RALGPS1: variants seen among roughly 807,000 people sequenced by gnomAD.
The protein encoded by RALGPS1 is Ral GEF with PH domain and SH3 binding motif 1.
In RALGPS1, 19 loss-of-function variants were observed where a neutral mutation model predicts 78.8. The observed-to-expected ratio is 0.24, with a 90% CI of 0.17 to 0.35. The LOEUF is 0.35. Ranked by LOEUF, RALGPS1 falls within the 10% of genes least tolerant of loss-of-function variation. The pLI, the probability that RALGPS1 is intolerant of heterozygous loss-of-function variation, is 1.00. For missense variants in RALGPS1, 454 were observed against 688.3 expected, an observed-to-expected ratio of 0.66 and a Z score of 3.81; for synonymous variants, 228 against 256.3, an observed-to-expected ratio of 0.89 and a Z score of 1.06.
rs151134561 is a variant in RALGPS1 at position 126,932,538 on chromosome 9, A to G, written c.-66+17563A>G. ...TAGTAGAAGGGATAATACACGTGGTACACTCCCATGATGGAATACTGTAGT... is the reference window on the plus strand; with the variant it reads ...TAGTAGAAGGGATAATACACGTGGTGCACTCCCATGATGGAATACTGTAGT... On this transcript the variant is annotated intron_variant, in intron 1 of 18. Coordinates refer to ENST00000259351, the MANE Select transcript of RALGPS1 (RefSeq NM_014636.3). Among the ~76,000 whole-genome samples, 7 of 152,328 alleles carry G rather than the reference A, an allele frequency of 4.6e-5. No individual in the cohort carries two copies. The East Asian group carries it at 1.4e-3, about 29-fold the overall frequency.
At chr9:127,011,437 C>T (rs954777785) in intron 4 of RALGPS1, among the ~76,000 whole-genome samples, 1 of 152,154 alleles carries the variant, frequency 6.6e-6, no homozygotes, top group Admixed American at 6.5e-5. Flanking sequence ...CTTGGACTCC[C>T]GTAGTGCTGG....
intron 12 of RALGPS1, among the ~76,000 whole-genome samples, chr9:127,196,108 A>G (rs911269725): frequency 6.6e-6 from 1 of 152,264 alleles, no homozygotes; most frequent in Non-Finnish European, 1.5e-5. Flanking sequence ...CATCAGAGCA[A>G]GGGTCTGGAC....
intron 8 of RALGPS1, among the ~76,000 whole-genome samples, chr9:127,142,473 G>A (rs1393247927): frequency 6.6e-6 from 1 of 152,156 alleles, no homozygotes; most frequent in Non-Finnish European, 1.5e-5. Flanking sequence ...GGCATGATGG[G>A]CGCATCTGGA....
intron 5 of RALGPS1, among the ~76,000 whole-genome samples, chr9:127,047,187 CAT>C (rs1307313059): frequency 2.0e-5 from 3 of 152,072 alleles, no homozygotes; most frequent in Admixed American, 1.3e-4. Flanking sequence ...AGTGTACAAA[CAT>C]ATGTATAAAG....
At chr9:127,157,933 AT>A (rs1433047666) in intron 8 of RALGPS1, among the ~76,000 whole-genome samples, 1 of 152,012 alleles carries the variant, frequency 6.6e-6, no homozygotes. Flanking sequence ...CATTGTTTTA[AT>A]TTTCTAATAT....
chr9:127,151,905 C>G (rs545112100), intron 8 of RALGPS1, among the ~76,000 whole-genome samples: 6 of 151,942 alleles, frequency 3.9e-5, no homozygotes, highest in Non-Finnish European at 8.8e-5. Context: ...TTCTTTCTTC[C>G]CCTTCTTCCC....
intron 8 of RALGPS1, chr9:127,108,846 G>T: frequency 8.6e-7 from 1 of 1,164,600 alleles, no homozygotes. Flanking sequence ...TGCCATCAGT[G>T]ATCCCAGCCT....
chr9:127,210,396 G>T, intron 14 of RALGPS1: 1 of 438,082 alleles, frequency 2.3e-6, no homozygotes, highest in East Asian at 4.3e-5. Flanking sequence ...TGAGGCAAGT[G>T]GGCGTGCCTG....
At chr9:127,052,204 G>A (rs2048354304) in intron 6 of RALGPS1, among the ~76,000 whole-genome samples, 1 of 152,174 alleles carries the variant, frequency 6.6e-6, no homozygotes, top group South Asian at 2.1e-4. Context: ...AAAGAGAAAT[G>A]GCACCCCCGT....
intron 8 of RALGPS1, among the ~76,000 whole-genome samples, chr9:127,160,380 C>T (rs1258536280): frequency 6.6e-6 from 1 of 152,226 alleles, no homozygotes; most frequent in African/African-American, 2.4e-5. Context: ...GCCAGCCCAG[C>T]TGCGGAGGGC....
At chr9:127,031,023 G>A in intron 4 of RALGPS1, among the ~76,000 whole-genome samples, 1 of 152,256 alleles carries the variant, frequency 6.6e-6, no homozygotes, top group East Asian at 1.9e-4. Flanking sequence ...CAGGGCCAGG[G>A]ACCGTCTGGG....
At chr9:126,957,024 T>C (rs2038410074) in intron 1 of RALGPS1, among the ~76,000 whole-genome samples, 1 of 152,226 alleles carries the variant, frequency 6.6e-6, no homozygotes, top group African/African-American at 2.4e-5. Context: ...GCAAGTCACA[T>C]TACCTCACTG....
At chr9:127,175,432 T>G (rs900407996) in intron 11 of RALGPS1, among the ~76,000 whole-genome samples, 5 of 152,236 alleles carry the variant, frequency 3.3e-5, no homozygotes, top group Admixed American at 1.3e-4. Flanking sequence ...ACACTGACAT[T>G]GTGAAAGTGT....
In RALGPS1 at chr9:127,214,829, G is replaced by C. The variant is rs2062482109; in HGVS notation, c.1631G>C (p.Ser544Thr). 6.2e-7 allele frequency: 1 copy of C among 1,613,064 alleles called. No homozygotes were observed. The highest frequency in any genetic ancestry group is 1.3e-5 in the African/African-American group (1 of 74,892). ...WHKHLDDACK[S>T]NRPQVPANLM... ...AAGCATTTGGATGATGCATGTAAAA[G>C]CAACAGGCCTCAGGTAAAGTCATCA... The change falls in exon 18 of 19, where the codon AGC becomes ACC. Residue 544 changes from serine (S) to threonine (T), a missense_variant. Coordinates refer to ENST00000259351, the MANE Select transcript of RALGPS1 (RefSeq NM_014636.3).
At chr9:127,165,818 G>T (rs1017842497) in intron 8 of RALGPS1, among the ~76,000 whole-genome samples, 3 of 152,192 alleles carry the variant, frequency 2.0e-5, no homozygotes, top group Non-Finnish European at 4.4e-5. Flanking sequence ...CTTATTGCTG[G>T]AGAGTATTTG....
At chr9:127,179,024 C>A (rs2140055093) in intron 11 of RALGPS1, among the ~76,000 whole-genome samples, 1 of 152,368 alleles carries the variant, frequency 6.6e-6, no homozygotes, top group East Asian at 1.9e-4. Context: ...TCTTCAAGCT[C>A]CTTACAGGGT....
Position 127,091,610 on chromosome 9 carries a change from C to T in RALGPS1, c.610+22254C>T. On this transcript the variant is annotated intron_variant, in intron 8 of 18. Transcript: ENST00000259351. This position sits in a 1 kb window ranked among gnomAD's most constrained non-coding sequence, Gnocchi z 4.3. ...TTTCCAAGCCCTGGAGTCAGGGGCT[C>T]TGGCTCTGGTTGACCTCTTTTCCCT... is the stretch of plus-strand genomic sequence containing the variant. 6.4e-7 allele frequency: 1 copy of T among 1,568,908 alleles called. No homozygotes were observed. Among genetic ancestry groups the T allele is most frequent in the Non-Finnish European group, 8.6e-7 (1 of 1,156,998 alleles).
At chr9:127,052,759 C>A in intron 6 of RALGPS1, 88 bp from the exon 7 acceptor site, 2 of 827,850 alleles carry the variant, frequency 2.4e-6, no homozygotes, top group East Asian at 4.9e-5. Flanking sequence ...AATTGAATTT[C>A]ATAAATATGA....
intron 8 of RALGPS1, among the ~76,000 whole-genome samples, chr9:127,148,875 G>A (rs2058254835): frequency 6.6e-6 from 1 of 152,246 alleles, no homozygotes; most frequent in Non-Finnish European, 1.5e-5. Flanking sequence ...GGCGGAGGGA[G>A]AACACGTTGG....
Sources: gnomAD v4.1 joint callset for allele counts (sites outside exome capture counted in the v4.1 genomes callset) on GRCh38, gnomAD v4.1.1 for gene constraint, Gnocchi (gnomAD v3.1) non-coding constraint, MANE v1.5 for transcripts, NCBI Gene and HGNC (gene_info 2026-07-23, HGNC 2026-07-21) for gene names.